The following MT3 variants were observed in gnomAD, a reference collection of about 807,000 sequenced individuals.
MT3 encodes metallothionein 3.
In MT3, 8 loss-of-function variants were observed where a neutral mutation model predicts 10.9. The observed-to-expected ratio is 0.73, with a 90% CI of 0.43 to 1.33. The LOEUF (loss-of-function observed/expected upper bound fraction) is 1.33. MT3 is among the 40% of genes most tolerant of loss of function. MT3 has a pLI of 0.01. For synonymous variants in MT3, 32 were observed against 29.9 expected, an observed-to-expected ratio of 1.07 and a Z score of -0.23; for missense variants, 75 against 83.9, an observed-to-expected ratio of 0.89 and a Z score of 0.41.
Position 56,589,531 on chromosome 16 carries a change from C to T in MT3, c.-60C>T. The T allele has an allele frequency of 2.6e-6, 4 of 1,516,568 alleles. No individual in the cohort carries two copies. The highest frequency in any genetic ancestry group is 8.8e-7 in the Non-Finnish European group (1 of 1,136,360). The allele number at this position is 1,516,568 out of a possible 1,614,324, so 93.9% of individuals were successfully genotyped here. ...TCGCCACCTGCTGCCACTAGCCAAG[C>T]CGCGCGTCCAGTTGCTTGGAGAAGC... is the stretch of plus-strand genomic sequence containing the variant. On this transcript the variant is annotated 5_prime_UTR_variant, in exon 1 of 3. Coordinates refer to ENST00000200691, the MANE Select transcript of MT3 (RefSeq NM_005954.4).
chr16:56,590,720 G>T, intron 2 of MT3, 120 bp from the exon 3 acceptor site: 1 of 944,476 alleles, frequency 1.1e-6, no homozygotes, highest in South Asian at 1.5e-5. Context: ...AGGGGGCTGC[G>T]ACTAGCCCTG....
chr16:56,590,742 C>A, intron 2 of MT3, 98 bp from the exon 3 acceptor site: 1 of 1,208,892 alleles, frequency 8.3e-7, no homozygotes, highest in Non-Finnish European at 1.2e-6. Context: ...CTGAATGAAC[C>A]AGGATGACTC....
chr16:56,590,622 T>A (rs9934794), intron 2 of MT3: 62,874 of 572,626 alleles, frequency 0.11, 4,031 homozygotes, highest in East Asian at 0.27. Context: ...GGGGCTCTGG[T>A]CATTTCCTGG....
At chr16:56,590,769 C>A in intron 2 of MT3, 71 bp from the exon 3 acceptor site, 1 of 1,476,506 alleles carries the variant, frequency 6.8e-7, no homozygotes, top group Non-Finnish European at 9.3e-7. Flanking sequence ...CAGCACCCTT[C>A]CCTCCCCTTT....
At chr16:56,590,760 A>C (rs1959812231) in intron 2 of MT3, 80 bp from the exon 3 acceptor site, 1 of 1,422,714 alleles carries the variant, frequency 7.0e-7, no homozygotes, top group East Asian at 2.5e-5. Context: ...CTCCCCACCC[A>C]GCACCCTTCC....
Position 56,589,637 on chromosome 16 carries a change from C to T in MT3, c.31+16C>T. 1.2e-6 allele frequency: 2 copies of T among 1,605,624 alleles called. No individual in the cohort carries two copies. The highest frequency in any genetic ancestry group is 4.5e-5 in the East Asian group (2 of 44,868). ...TGCCCTTCTGGTGAGCCCCCGCCCC[C>T]GCTCGCATCCTGCGCACTGCGCGCC... On this transcript the variant is annotated intron_variant, in intron 1 of 2. Transcript: ENST00000200691.
intron 2 of MT3, 143 bp from the exon 3 acceptor site, chr16:56,590,697 T>C: frequency 1.4e-6 from 1 of 726,582 alleles, no homozygotes; most frequent in African/African-American, 1.7e-5. Context: ...TCAAAGCAGG[T>C]GTGAGACTAA....
chr16:56,589,813 G>C (rs1484817757), intron 1 of MT3, 57 bp from the exon 2 acceptor site: 3 of 1,604,228 alleles, frequency 1.9e-6, no homozygotes, highest in African/African-American at 2.7e-5. Flanking sequence ...CCTCGTGACA[G>C]GCGTGGGGAC....
At chr16:56,590,434 G>A (rs1345286769) in intron 2 of MT3, 3 of 458,596 alleles carry the variant, frequency 6.5e-6, no homozygotes, top group African/African-American at 3.9e-5. Context: ...GGTCCCCACC[G>A]CCTCCCCACG....
rs1037029301 is a variant in MT3, at chr16:56,590,230, T to A, written c.97+295T>A. 7 of 607,688 alleles carry A rather than the reference T, an allele frequency of 1.2e-5. No individual in the cohort carries two copies. In the Middle Eastern group the frequency reaches 1.1e-3, roughly 96 times the overall value. The allele number at this position is 607,688 out of a possible 1,614,324, so 37.6% of individuals were successfully genotyped here. On this transcript the variant is annotated intron_variant, in intron 2 of 2. Coordinates refer to ENST00000200691, the MANE Select transcript of MT3 (RefSeq NM_005954.4). ...CTTTCCCGACCCATCCCTCAAAAACTCCCCAAAACCTGGGGAAGCCATTAG... is the reference window on the plus strand; with the variant it reads ...CTTTCCCGACCCATCCCTCAAAAACACCCCAAAACCTGGGGAAGCCATTAG...
chr16:56,589,944 G>T lies in MT3; in HGVS notation c.97+9G>T. ...CACCTCCTGCAAGAAGAGTGAGTGC[G>T]GGGACCCTTCCCCTCTGCCGCCGCC... On this transcript the variant is annotated intron_variant, in intron 2 of 2. Transcript: ENST00000200691. 6.2e-7 allele frequency: 1 copy of T among 1,613,830 alleles called. No individual in the cohort carries two copies. The highest frequency in any genetic ancestry group is 1.1e-5 in the South Asian group (1 of 91,076).
rs765957815 is a variant in MT3 at position 56,589,630 on chromosome 16, C to G, written c.31+9C>G. 10 of 1,605,570 alleles carry G rather than the reference C, an allele frequency of 6.2e-6. No individual in the cohort carries two copies. In the South Asian group the frequency reaches 1.1e-4, roughly 18 times the overall value. On this transcript the variant is annotated intron_variant, in intron 1 of 2. Coordinates refer to ENST00000200691, the MANE Select transcript of MT3 (RefSeq NM_005954.4). ...CTGCCCCTGCCCTTCTGGTGAGCCC[C>G]CGCCCCCGCTCGCATCCTGCGCACT...
chr16:56,590,120 G>A (rs45561733), intron 2 of MT3, 185 bp downstream of exon 2: 26,311 of 721,476 alleles, frequency 0.036, 1,170 homozygotes, highest in East Asian at 0.14. Context: ...GGAATTGATG[G>A]CCTAGGCGTG....
intron 2 of MT3, 73 bp downstream of exon 2, chr16:56,590,008 T>G (rs752883208): frequency 5.9e-5 from 89 of 1,508,942 alleles, no homozygotes; most frequent in Middle Eastern, 3.4e-4. Flanking sequence ...CCACGCAGGA[T>G]GTGGAGAGAC....
chr16:56,590,166 A>C (rs1265276625), intron 2 of MT3: 1 of 678,486 alleles, frequency 1.5e-6, no homozygotes, highest in Admixed American at 2.1e-5. Flanking sequence ...AGAAGACTCC[A>C]ATGGCAGCTG....
In MT3 at chr16:56,589,625, A is replaced by AGCCCCC; in HGVS notation, c.31+13_31+18dup. ...GAGACCTGCCCCTGCCCTTCTGGTG[A>AGCCCCC]GCCCCCGCCCCCGCTCGCATCCTGC... On this transcript the variant is annotated splice_donor_region_variant and intron_variant, in intron 1 of 2. Transcript: ENST00000200691. 1 of 1,605,284 alleles carries AGCCCCC rather than the reference A, an allele frequency of 6.2e-7. No individual in the cohort carries two copies. Among genetic ancestry groups the AGCCCCC allele is most frequent in the Middle Eastern group, 1.7e-4 (1 of 6,056 alleles).
At position 56,589,629 on chromosome 16, in the gene MT3, C is replaced by T. The variant is rs755883397; in HGVS notation, c.31+8C>T. 3.1e-6 allele frequency: 5 copies of T among 1,605,316 alleles called. No homozygotes were observed. Among genetic ancestry groups the T allele is most frequent in the Non-Finnish European group, 4.2e-6 (5 of 1,179,606 alleles). ...CCTGCCCCTGCCCTTCTGGTGAGCC[C>T]CCGCCCCCGCTCGCATCCTGCGCAC... On this transcript the variant is annotated splice_region_variant and intron_variant, in intron 1 of 2. Coordinates refer to ENST00000200691, the MANE Select transcript of MT3 (RefSeq NM_005954.4).
chr16:56,589,712 T>C lies in MT3; in HGVS notation c.31+91T>C, dbSNP rs754522987. ...CCCTGCGCCTTCGCTCAAGGACACT[T>C]GGGGGAAGGGCCCCTGATTCCCTAT... On this transcript the variant is annotated intron_variant, in intron 1 of 2. Coordinates refer to ENST00000200691, the MANE Select transcript of MT3 (RefSeq NM_005954.4). The C allele has an allele frequency of 3.8e-6, 6 of 1,595,872 alleles. 1 individual carries two copies. The highest frequency in any genetic ancestry group is 8.5e-7 in the Non-Finnish European group (1 of 1,169,608).
intron 2 of MT3, 133 bp downstream of exon 2, chr16:56,590,068 C>A: frequency 4.4e-6 from 4 of 905,702 alleles, no homozygotes; most frequent in Non-Finnish European, 7.1e-6. Context: ...ATAGAACCAC[C>A]CGGGCAGACA....
Sources: gnomAD v4.1 joint callset for allele counts on GRCh38, gnomAD v4.1.1 for gene constraint, MANE v1.5 for transcripts, NCBI Gene and HGNC (gene_info 2026-07-23, HGNC 2026-07-21) for gene names.